XPR1: variants seen among roughly 807,000 people sequenced by gnomAD.
XPR1 encodes solute carrier family 53 member 1.
XPR1 carries 28 observed loss-of-function variants against 87.5 expected under a neutral mutation model. The ratio of observed to expected loss-of-function variants is 0.32; its 90% CI spans 0.24 to 0.44. The LOEUF (loss-of-function observed/expected upper bound fraction) is 0.44, where lower values mean the gene tolerates loss of function less well. XPR1 is among the 20% of genes least tolerant of loss of function. The pLI, the probability that XPR1 is intolerant of heterozygous loss-of-function variation, is 1.00. For missense variants in XPR1, 559 were observed against 862.3 expected (o/e 0.65, Z 4.41); for synonymous variants, 300 against 306.1 (o/e 0.98, Z 0.21).
chr1:180,760,847 G>A (rs989152581), intron 2 of XPR1, among the ~76,000 whole-genome samples: 12 of 152,138 alleles, frequency 7.9e-5, no homozygotes, highest in Admixed American at 4.6e-4. Flanking sequence ...GAGGCATCAT[G>A]CTACCTGACT....
intron 2 of XPR1, among the ~76,000 whole-genome samples, chr1:180,736,103 G>T (rs1413283867): frequency 6.6e-6 from 1 of 152,170 alleles, no homozygotes; most frequent in Non-Finnish European, 1.5e-5. Flanking sequence ...TGCTATAGAA[G>T]AATATGATGG....
At chr1:180,650,941 T>C (rs1266338359) in intron 1 of XPR1, among the ~76,000 whole-genome samples, 1 of 152,220 alleles carries the variant, frequency 6.6e-6, no homozygotes, top group Admixed American at 6.5e-5. Context: ...TAGCTGTTAA[T>C]TTCTATCATC....
chr1:180,779,645 G>A (rs1485726021), intron 2 of XPR1, among the ~76,000 whole-genome samples: 1 of 151,742 alleles, frequency 6.6e-6, no homozygotes, highest in African/African-American at 2.4e-5. Context: ...CAGCTACTCA[G>A]GAGGCTGAGG....
At chr1:180,823,256 A>G (rs6657287) in intron 7 of XPR1, among the ~76,000 whole-genome samples, 6,513 of 152,028 alleles carry the variant, frequency 0.043, 502 homozygotes, top group African/African-American at 0.15. Flanking sequence ...AAAAAAACAA[A>G]AGTTTGTATG....
At chr1:180,677,323 A>C (rs1266111330) in intron 1 of XPR1, among the ~76,000 whole-genome samples, 1 of 152,228 alleles carries the variant, frequency 6.6e-6, no homozygotes, top group Non-Finnish European at 1.5e-5. Context: ...GAGTTTTATT[A>C]TTACTCAAAT....
rs142066277 is a variant in XPR1, at chr1:180,688,254, T to C, written c.121+5843T>C. ...TTTTAGTAGAGATGGGGTTTTGCCA[T>C]GTTAACCTGCCTGGCCAACATGGCC... On this transcript the variant is annotated intron_variant, in intron 2 of 14. Transcript: ENST00000367590. Among the ~76,000 whole-genome samples, 599 of 151,128 alleles carry C rather than the reference T, an allele frequency of 4.0e-3. 5 individuals are homozygous for C. The highest frequency in any genetic ancestry group is 0.014 in the African/African-American group (564 of 41,210).
chr1:180,854,516 A>G (rs1651970604), intron 11 of XPR1, among the ~76,000 whole-genome samples: 1 of 152,218 alleles, frequency 6.6e-6, no homozygotes, highest in Non-Finnish European at 1.5e-5. Context: ...CAGAGCACAG[A>G]GGCATCTTGT....
chr1:180,638,663 AAC>A (rs1298744172), intron 1 of XPR1, among the ~76,000 whole-genome samples: 2 of 152,204 alleles, frequency 1.3e-5, no homozygotes, highest in East Asian at 1.9e-4. Flanking sequence ...AAAAAACCAA[AAC>A]ACACACACCC....
chr1:180,733,058 C>T (rs1261506289), intron 2 of XPR1, among the ~76,000 whole-genome samples: 1 of 152,176 alleles, frequency 6.6e-6, no homozygotes, highest in Non-Finnish European at 1.5e-5. Flanking sequence ...TCGGTGCATT[C>T]CTCTCGACGT....
intron 2 of XPR1, among the ~76,000 whole-genome samples, chr1:180,728,987 C>G (rs1185787276): frequency 6.6e-6 from 1 of 152,164 alleles, no homozygotes; most frequent in Non-Finnish European, 1.5e-5. Flanking sequence ...GGTCCCCACT[C>G]TCCTGCCACC....
chr1:180,836,401 G>T, intron 10 of XPR1, 121 bp from the exon 11 acceptor site: 1 of 993,738 alleles, frequency 1.0e-6, no homozygotes, highest in Non-Finnish European at 1.5e-6. Context: ...TTGCAAAGAA[G>T]AAAGTGATTC....
intron 1 of XPR1, among the ~76,000 whole-genome samples, chr1:180,633,537 A>G (rs1654664204): frequency 6.6e-6 from 1 of 152,206 alleles, no homozygotes; most frequent in Non-Finnish European, 1.5e-5. Flanking sequence ...AGGGAAAGAG[A>G]TGCAGGTAGG....
At chr1:180,679,049 G>A (rs533680341) in intron 1 of XPR1, among the ~76,000 whole-genome samples, 5 of 152,194 alleles carry the variant, frequency 3.3e-5, no homozygotes, top group African/African-American at 4.8e-5. Flanking sequence ...CAAAAAATTA[G>A]CCAGGCATGG....
intron 2 of XPR1, among the ~76,000 whole-genome samples, chr1:180,749,085 C>G (rs1053841796): frequency 6.6e-6 from 1 of 152,108 alleles, no homozygotes. Context: ...CCTCTAGTCC[C>G]AGTTACTCAA....
intron 2 of XPR1, among the ~76,000 whole-genome samples, chr1:180,760,554 C>A (rs867922761): frequency 3.3e-5 from 5 of 152,170 alleles, no homozygotes; most frequent in Non-Finnish European, 7.3e-5. Flanking sequence ...ATCCAACTTA[C>A]AAGGGATGTG....
In XPR1 at chr1:180,632,152, C is replaced by T. The variant is rs371060222; in HGVS notation, c.-50C>T. ...GAGGAGTCGGAGTCGCTGTTGCCGC[C>T]GCCGCCTGTAGCTGCTGGACCCGAG... On this transcript the variant is annotated 5_prime_UTR_variant, in exon 1 of 15. Coordinates refer to ENST00000367590, the MANE Select transcript of XPR1 (RefSeq NM_004736.4). The T allele has an allele frequency of 1.7e-5, 27 of 1,575,054 alleles. No homozygotes were observed. In the African/African-American group the frequency reaches 3.3e-4, roughly 19 times the overall value.
intron 2 of XPR1, among the ~76,000 whole-genome samples, chr1:180,722,326 C>A (rs796871638): frequency 1.2e-4 from 18 of 152,212 alleles, no homozygotes; most frequent in African/African-American, 4.1e-4. Context: ...GAACTCCTGA[C>A]CTCGTGATCT....
At chr1:180,787,099 T>C (rs1233175555) in intron 2 of XPR1, among the ~76,000 whole-genome samples, 1 of 152,164 alleles carries the variant, frequency 6.6e-6, no homozygotes, top group Non-Finnish European at 1.5e-5. Flanking sequence ...GCTGAATGAA[T>C]TCTACTCAGC....
chr1:180,725,916 T>C (rs1412686029), intron 2 of XPR1, among the ~76,000 whole-genome samples: 1 of 152,224 alleles, frequency 6.6e-6, no homozygotes, highest in Non-Finnish European at 1.5e-5. Flanking sequence ...CCTGATAGTA[T>C]CTACTTCAAA....
Sources: gnomAD v4.1 joint callset for allele counts (sites outside exome capture counted in the v4.1 genomes callset) on GRCh38, gnomAD v4.1.1 for gene constraint, MANE v1.5 for transcripts, NCBI Gene and HGNC (gene_info 2026-07-23, HGNC 2026-07-21) for gene names.